The following PELI1 variants were observed in gnomAD, a reference collection of about 807,000 sequenced individuals.
PELI1 encodes E3 ubiquitin-protein ligase pellino homolog 1.
PELI1 carries 15 observed loss-of-function variants against 41.3 expected under a neutral mutation model. The ratio of observed to expected loss-of-function variants is 0.36; its 90% CI spans 0.24 to 0.56. PELI1 has a LOEUF of 0.56. Ranked by LOEUF, PELI1 falls within the 20% of genes least tolerant of loss-of-function variation. The probability of loss-of-function intolerance (pLI) is 0.82; values close to 1 mark genes in which losing one functional copy is unlikely to be tolerated. For synonymous variants in PELI1, 178 were observed against 180.1 expected (o/e 0.99, Z 0.09); for missense variants, 403 against 525.5 (o/e 0.77, Z 2.28).
chr2:64,122,138 C>G (rs1253970820), intron 1 of PELI1, among the ~76,000 whole-genome samples: 1 of 151,622 alleles, frequency 6.6e-6, no homozygotes, highest in East Asian at 1.9e-4. Context: ...TAACCAAAAC[C>G]TGAAGTAGTG....
At chr2:64,108,177 C>T in intron 2 of PELI1, 63 bp downstream of exon 2, 3 of 890,450 alleles carry the variant, frequency 3.4e-6, no homozygotes, top group Admixed American at 2.2e-5. Flanking sequence ...GTACTTTTAG[C>T]CTAGATGCCA....
chr2:64,143,023 T>C (rs1681963240), intron 1 of PELI1, among the ~76,000 whole-genome samples: 1 of 152,318 alleles, frequency 6.6e-6, no homozygotes, highest in Middle Eastern at 3.4e-3. Context: ...GATATACTGT[T>C]TGATGACTAA....
Position 64,095,198 on chromosome 2 carries a change from C to G in PELI1, c.761G>C (p.Arg254Pro). 1 of 1,613,960 alleles carries G rather than the reference C, an allele frequency of 6.2e-7. No individual in the cohort carries two copies. Among genetic ancestry groups the G allele is most frequent in the Non-Finnish European group, 8.5e-7 (1 of 1,179,888 alleles). ...IDLCGATLLW[R>P]TAEGLSHTPT... ...AGTGTGGGAAAGGCCTTCTGCAGTACGCCATAACAATGTTGCACCACAGAG... is the reference window on the plus strand; with the variant it reads ...AGTGTGGGAAAGGCCTTCTGCAGTAGGCCATAACAATGTTGCACCACAGAG... Residue 254 changes from arginine to proline, a missense_variant, in exon 7 of 7, where the codon CGT becomes CCT. By Grantham distance (103) the Arg-to-Pro change is moderately radical. Coordinates refer to ENST00000358912, the MANE Select transcript of PELI1 (RefSeq NM_020651.4).
At chr2:64,129,482 A>T (rs1404133724) in intron 1 of PELI1, among the ~76,000 whole-genome samples, 1 of 152,194 alleles carries the variant, frequency 6.6e-6, no homozygotes, top group Non-Finnish European at 1.5e-5. Context: ...TATATAACTC[A>T]GTAAACTGCA....
At chr2:64,131,851 C>T (rs1341728974) in intron 1 of PELI1, among the ~76,000 whole-genome samples, 1 of 152,076 alleles carries the variant, frequency 6.6e-6, no homozygotes, top group Non-Finnish European at 1.5e-5. Context: ...GAACTCCTGA[C>T]CTCAAATGAT....
rs1247827837 is a variant in PELI1 at position 64,144,320 on chromosome 2, T to A, written c.-309A>T. ...CGCTCCCGGAGGGCTGGGGACCAATTCGACCGCACCGCGGGACTAGGGCTG... is the reference window on the plus strand; with the variant it reads ...CGCTCCCGGAGGGCTGGGGACCAATACGACCGCACCGCGGGACTAGGGCTG... On this transcript the variant is annotated 5_prime_UTR_variant, in exon 1 of 7. Coordinates refer to ENST00000358912, the MANE Select transcript of PELI1 (RefSeq NM_020651.4). The A allele has an allele frequency of 6.6e-6, 1 of 152,136 alleles. No individual in the cohort carries two copies. The highest frequency in any genetic ancestry group is 1.9e-4 in the East Asian group (1 of 5,156). 9.4% of individuals were successfully genotyped at this position (152,136 alleles called of 1,614,324 possible).
intron 1 of PELI1, among the ~76,000 whole-genome samples, chr2:64,113,093 C>T (rs1680875822): frequency 6.6e-6 from 1 of 150,892 alleles, no homozygotes; most frequent in Non-Finnish European, 1.5e-5. Context: ...GCCTGCGCAA[C>T]ATAGTAAGAC....
intron 1 of PELI1, among the ~76,000 whole-genome samples, chr2:64,111,190 T>C (rs1436826176): frequency 4.6e-5 from 7 of 152,064 alleles, no homozygotes; most frequent in Admixed American, 4.6e-4. Flanking sequence ...TTCATAGGAA[T>C]CTCATGAATG....
At position 64,144,376 on chromosome 2, in the gene PELI1, G is replaced by C. The variant is rs1455597476; in HGVS notation, c.-365C>G. On this transcript the variant is annotated 5_prime_UTR_variant, in exon 1 of 7. Transcript: ENST00000358912. ...GCTGCTGCTAGTGGAGGCGGCGGCG[G>C]CGCCCCCCGACGGTCCCTCCGCCTC... 2.0e-5 allele frequency: 3 copies of C among 152,350 alleles called. No individual in the cohort carries two copies. Among genetic ancestry groups the C allele is most frequent in the Non-Finnish European group, 4.4e-5 (3 of 68,224 alleles). The allele number at this position is 152,350 out of a possible 1,614,324, so 9.4% of individuals were successfully genotyped here.
intron 1 of PELI1, among the ~76,000 whole-genome samples, chr2:64,135,384 C>T (rs1330026174): frequency 6.6e-6 from 1 of 152,050 alleles, no homozygotes; most frequent in African/African-American, 2.4e-5. Context: ...AGGCACACAC[C>T]AGAAATAGGC....
rs931460713 is a variant in PELI1 at position 64,094,405 on chromosome 2, G to A, written c.*297C>T. 1 of 280,694 alleles carries A rather than the reference G, an allele frequency of 3.6e-6. No individual in the cohort carries two copies. The highest frequency in any genetic ancestry group is 6.7e-6 in the Non-Finnish European group (1 of 148,862). The allele number at this position is 280,694 out of a possible 1,614,324, so 17.4% of individuals were successfully genotyped here. A position where few individuals can be genotyped will look rare whatever the true frequency, so the allele number is the denominator to read the frequency against. ...TTATACAAAACAATTTCAGCACTGA[G>A]GATAGGTGATTCAAAAACACTAAAA... On this transcript the variant is annotated 3_prime_UTR_variant, in exon 7 of 7. Coordinates refer to ENST00000358912, the MANE Select transcript of PELI1 (RefSeq NM_020651.4).
intron 1 of PELI1, among the ~76,000 whole-genome samples, chr2:64,136,692 C>T (rs2103744280): frequency 6.6e-6 from 1 of 152,284 alleles, no homozygotes; most frequent in South Asian, 2.1e-4. Context: ...ATCACGAGGT[C>T]AGGAGATCAA....
In PELI1 at chr2:64,144,184, G is replaced by A. The variant is rs112445839; in HGVS notation, c.-173C>T. The stretch of plus-strand genomic sequence containing the variant: ...GCGCGAGCAGACAGCCCGCCGTTCC[G>A]CCGCTGCCCTCCGCGCCCGCCAGCC... On this transcript the variant is annotated 5_prime_UTR_variant, in exon 1 of 7. Transcript: ENST00000358912. 6,523 of 152,282 alleles carry A rather than the reference G, an allele frequency of 0.043. 178 individuals are homozygous for A. Among genetic ancestry groups the A allele is most frequent in the African/African-American group, 0.083 (3,455 of 41,532 alleles). 9.4% of individuals were successfully genotyped at this position (152,282 alleles called of 1,614,324 possible).
Position 64,095,025 on chromosome 2 carries a change from C to T in PELI1, c.934G>A (p.Gly312Ser). The part of the protein sequence containing the change: ...EKQPWVYLNC[G>S]HVHGYHNWGN... ...CAGTTATGATAGCCATGTACATGGC[C>T]GCAGTTTAGATATACCCATGGTTGT... The change falls in exon 7 of 7, where the codon GGC becomes AGC. Residue 312 changes from glycine to serine, a missense_variant. Physicochemically the swap from Gly to Ser is moderately conservative, Grantham distance 56. Transcript: ENST00000358912. 4 of 1,614,020 alleles carry T rather than the reference C, an allele frequency of 2.5e-6. No individual in the cohort carries two copies. Among genetic ancestry groups the T allele is most frequent in the South Asian group, 1.1e-5 (1 of 91,078 alleles).
chr2:64,110,021 G>A (rs1034000373), intron 1 of PELI1, among the ~76,000 whole-genome samples: 1 of 152,136 alleles, frequency 6.6e-6, no homozygotes, highest in East Asian at 1.9e-4. Flanking sequence ...GAGGCGGGAA[G>A]ATCACTTGAT....
intron 1 of PELI1, among the ~76,000 whole-genome samples, chr2:64,127,370 C>T (rs1301202793): frequency 6.6e-6 from 1 of 152,166 alleles, no homozygotes; most frequent in Non-Finnish European, 1.5e-5. Flanking sequence ...GAGTCCTTGT[C>T]TCTACAAAAA....
At chr2:64,132,771 G>A (rs1344512911) in intron 1 of PELI1, among the ~76,000 whole-genome samples, 1 of 152,164 alleles carries the variant, frequency 6.6e-6, no homozygotes, top group Non-Finnish European at 1.5e-5. Flanking sequence ...ACCAGAAGGA[G>A]CCTTGGAAAT....
chr2:64,130,482 T>A (rs1349379466), intron 1 of PELI1, among the ~76,000 whole-genome samples: 1 of 152,224 alleles, frequency 6.6e-6, no homozygotes. Flanking sequence ...GGGTATAATC[T>A]TTTTTGAGCT....
chr2:64,125,625 C>T (rs1181696385), intron 1 of PELI1, among the ~76,000 whole-genome samples: 1 of 152,090 alleles, frequency 6.6e-6, no homozygotes, highest in African/African-American at 2.4e-5. Context: ...TAATTAATTA[C>T]CTAGCCTGTC....
Sources: allele counts gnomAD v4.1 joint callset (sites outside exome capture counted in the v4.1 genomes callset), GRCh38; gene constraint gnomAD v4.1.1; transcripts MANE v1.5; gene names NCBI Gene and HGNC (gene_info 2026-07-23, HGNC 2026-07-21).